Variants in MYH11 observed in about 807,000 individuals in gnomAD.
The protein encoded by MYH11 is myosin heavy chain 11.
MYH11 carries 80 observed loss-of-function variants against 246.6 expected under a neutral mutation model. The ratio of observed to expected loss-of-function variants is 0.32; its 90% confidence interval spans 0.27 to 0.39. The LOEUF is 0.39. MYH11 is among the 10% of genes least tolerant of loss of function. The probability of loss-of-function intolerance (pLI) is 1.00; values close to 1 mark genes in which losing one functional copy is unlikely to be tolerated. For missense variants in MYH11, 2,158 were observed against 2,546.8 expected (o/e 0.85, Z 3.29); for synonymous variants, 1,071 against 1,015.5 (o/e 1.05, Z -1.04).
At chr16:15,838,589 G>A (rs923797810) in intron 1 of MYH11, among the ~76,000 whole-genome samples, 1 of 152,144 alleles carries the variant, frequency 6.6e-6, no homozygotes, top group African/African-American at 2.4e-5. Flanking sequence ...GCTGGACAAG[G>A]TGGCTCACAC....
intron 1 of MYH11, among the ~76,000 whole-genome samples, chr16:15,840,888 T>C (rs1289521779): frequency 6.6e-6 from 1 of 152,240 alleles, no homozygotes; most frequent in Non-Finnish European, 1.5e-5. Context: ...TGAGTTTTAC[T>C]TTATATAGAT....
chr16:15,753,318 T>G, intron 15 of MYH11, 76 bp downstream of exon 15: 1 of 1,293,536 alleles, frequency 7.7e-7, no homozygotes, highest in Non-Finnish European at 1.1e-6. Context: ...CTGGGGCAGG[T>G]GTGAGAGTCG....
chr16:15,761,333 G>A (rs961325659), intron 10 of MYH11, among the ~76,000 whole-genome samples: 1 of 152,208 alleles, frequency 6.6e-6, no homozygotes, highest in Non-Finnish European at 1.5e-5. Context: ...GGCTGGTCTC[G>A]AAGTCCTGAA....
chr16:15,755,647 G>A (rs1318595891), intron 14 of MYH11, among the ~76,000 whole-genome samples: 1 of 152,022 alleles, frequency 6.6e-6, no homozygotes, highest in Admixed American at 6.6e-5. Flanking sequence ...AAATTTAGCT[G>A]GGCGGCCAGG....
At chr16:15,753,668 G>C (rs1214711980) in intron 14 of MYH11, among the ~76,000 whole-genome samples, 160 bp from the exon 15 acceptor site, 9 of 152,144 alleles carry the variant, frequency 5.9e-5, no homozygotes, top group African/African-American at 1.7e-4. Flanking sequence ...CACCAGTGAA[G>C]AGACCAACAG....
intron 4 of MYH11, among the ~76,000 whole-genome samples, chr16:15,788,798 ATGTGTGTGTGTGTGTG>A (rs58077308): frequency 2.3e-4 from 24 of 104,896 alleles, no homozygotes; most frequent in Admixed American, 1.6e-3. Flanking sequence ...ACCAGAATAT[ATGTGTGTGTGTGTGTG>A]TGTGTGTGTG....
At position 15,823,493 on chromosome 16, in the gene MYH11, A is replaced by T. The variant is rs1007779425; in HGVS notation, c.346-82T>A. 5 of 1,550,132 alleles carry T rather than the reference A, an allele frequency of 3.2e-6. No homozygotes were observed. The African/African-American group carries it at 6.8e-5, about 21-fold the overall frequency. ...CAGAAGCACTCAATATTCTCATGTT[A>T]GAGATGGGGAAACTGGAGCTTGGAG... On this transcript the variant is annotated intron_variant, in intron 2 of 40. Transcript: ENST00000300036.
intron 2 of MYH11, among the ~76,000 whole-genome samples, chr16:15,836,939 G>C (rs1225246043): frequency 6.7e-6 from 1 of 149,856 alleles, no homozygotes; most frequent in Non-Finnish European, 1.5e-5. Context: ...TGGCCAGGCT[G>C]GTCTCAAACT....
chr16:15,708,551 A>G (rs1408798281), intron 40 of MYH11, among the ~76,000 whole-genome samples: 1 of 152,214 alleles, frequency 6.6e-6, no homozygotes, highest in Admixed American at 6.5e-5. Context: ...AAGGGCGCAC[A>G]CTGTTGGGTG....
chr16:15,759,458 C>T (rs2041815433), intron 12 of MYH11, 118 bp downstream of exon 12: 2 of 1,315,790 alleles, frequency 1.5e-6, no homozygotes, highest in South Asian at 2.4e-5. Flanking sequence ...CTTAACTAGA[C>T]AGCCTCCTAC....
At chr16:15,775,537 G>A (rs2042203052) in intron 8 of MYH11, among the ~76,000 whole-genome samples, 2 of 152,166 alleles carry the variant, frequency 1.3e-5, no homozygotes, top group African/African-American at 4.8e-5. Flanking sequence ...TGGCAGAGTT[G>A]AATAGCTGTG....
chr16:15,757,232 C>T (rs935074000), intron 13 of MYH11, among the ~76,000 whole-genome samples: 3 of 151,572 alleles, frequency 2.0e-5, no homozygotes, highest in African/African-American at 7.3e-5. Context: ...TCTCGGCTTA[C>T]AGCAACCTCT....
chr16:15,782,422 T>C lies in MYH11; in HGVS notation c.689A>G (p.Asn230Ser). 2.5e-6 allele frequency: 4 copies of C among 1,614,214 alleles called. No homozygotes were observed. The highest frequency in any genetic ancestry group is 3.4e-6 in the Non-Finnish European group (4 of 1,180,028). ...GTTGTCGTTCTTCACTGTTTTGGCG[T>C]TGCCGAAAGCCTCCAGAATCGGGTT... ...QANPILEAFG[N>S]AKTVKNDNSS... is the part of the protein sequence containing the mutation. Residue 230 changes from asparagine (N) to serine (S), a missense_variant, in exon 6 of 41, where the codon AAC (asparagine) becomes AGC (serine). Physicochemically the swap from Asn to Ser is conservative, Grantham distance 46. Transcript: ENST00000300036.
At chr16:15,753,243 A>G (rs1340853050) in intron 15 of MYH11, 151 bp downstream of exon 15, 1 of 736,606 alleles carries the variant, frequency 1.4e-6, no homozygotes, top group Admixed American at 2.0e-5. Flanking sequence ...AATTGTTTCA[A>G]CGAGACATCA....
chr16:15,746,791 A>G (rs1218011413), intron 19 of MYH11, among the ~76,000 whole-genome samples: 1 of 152,216 alleles, frequency 6.6e-6, no homozygotes, highest in Non-Finnish European at 1.5e-5. Context: ...GGTTTATCCA[A>G]TTCTAACATG....
intron 4 of MYH11, among the ~76,000 whole-genome samples, chr16:15,788,077 C>CTTTTTTTTTTTTT (rs1555569336): frequency 0.037 from 2,062 of 55,242 alleles, 491 homozygotes; most frequent in African/African-American, 0.12. Flanking sequence ...GAAGGTAGAT[C>CTTTTTTTTTTTTT]TTTTTTTTTT....
Position 15,757,900 on chromosome 16 carries a change from C to T in MYH11, c.1502G>A (p.Arg501His), listed in dbSNP as rs144244239. Residue 501 changes from arginine to histidine, a missense_variant, in exon 13 of 41, where the codon CGC becomes CAC. Arg to His is a conservative substitution (Grantham distance 29, BLOSUM62 0). This residue lies in a region of MYH11 where 317 missense variants were observed against 507.7 expected (regional missense o/e 0.62). Transcript: ENST00000300036. ...MFILEQEEYQ[R>H]EGIEWNFIDF... ...GATGAAGTTCCACTCGATGCCCTCGCGCTGGTACTCCTCCTGCTCCAGGAT... is the reference window on the plus strand; with the variant it reads ...GATGAAGTTCCACTCGATGCCCTCGTGCTGGTACTCCTCCTGCTCCAGGAT... 519 of 1,614,212 alleles carry T rather than the reference C, an allele frequency of 3.2e-4. No homozygotes were observed. The highest frequency in any genetic ancestry group is 5.8e-4 in the East Asian group (26 of 44,876).
chr16:15,720,860 C>G lies in MYH11; in HGVS notation c.4770G>C (p.Lys1590Asn). Residue 1590 changes from lysine (K) to asparagine (N), a missense_variant, in exon 33 of 41, where the codon AAG becomes AAC. Coordinates refer to ENST00000300036, the MANE Select transcript of MYH11 (RefSeq NM_002474.3). ...GCACCTGTCTCTGCAGTTGCCTCCT[C>G]TTCTCCTCATTCTGCTCGTCCCGGG... is the stretch of plus-strand genomic sequence containing the variant. ...LQARDEQNEE[K>N]RRQLQRQLHE... 1 of 1,613,850 alleles carries G rather than the reference C, an allele frequency of 6.2e-7. No homozygotes were observed. The highest frequency in any genetic ancestry group is 8.5e-7 in the Non-Finnish European group (1 of 1,180,026).
intron 34 of MYH11, 61 bp downstream of exon 34, chr16:15,720,090 G>C (rs1259413133): frequency 1.2e-6 from 2 of 1,610,450 alleles, no homozygotes; most frequent in Non-Finnish European, 1.7e-6. Flanking sequence ...GCTGACTTCG[G>C]TGGCCTGAGG....
Sources: gnomAD v4.1 joint callset for allele counts (sites outside exome capture counted in the v4.1 genomes callset) on GRCh38, gnomAD v4.1.1 for gene constraint, gnomAD v4.1.1 regional missense constraint, MANE v1.5 for transcripts, NCBI Gene and HGNC (gene_info 2026-07-23, HGNC 2026-07-21) for gene names.